CBLB: variants seen among roughly 807,000 people sequenced by gnomAD.
CBLB encodes the protein E3 ubiquitin-protein ligase CBL-B.
Under a neutral mutation model 104.9 loss-of-function variants are expected in CBLB, and 31 were observed. The observed-to-expected ratio is 0.30, with a 90% confidence interval of 0.22 to 0.40. The LOEUF is 0.40. Ranked by LOEUF, CBLB falls within the 10% of genes least tolerant of loss-of-function variation. The pLI is 1.00. For synonymous variants in CBLB, 440 were observed against 422.6 expected, an observed-to-expected ratio of 1.04 and a Z score of -0.51; for missense variants, 1,062 against 1,214.6, an observed-to-expected ratio of 0.87 and a Z score of 1.87.
At chr3:105,788,257 C>T (rs1475001654) in intron 3 of CBLB, among the ~76,000 whole-genome samples, 1 of 152,098 alleles carries the variant, frequency 6.6e-6, no homozygotes, top group Non-Finnish European at 1.5e-5. Context: ...ATAAATAAAA[C>T]TTCCTCAGAT....
chr3:105,678,859 A>G (rs1179590380), intron 16 of CBLB, among the ~76,000 whole-genome samples: 1 of 152,216 alleles, frequency 6.6e-6, no homozygotes, highest in Non-Finnish European at 1.5e-5. Context: ...AACTTATGAA[A>G]CAGCTCATAG....
intron 3 of CBLB, among the ~76,000 whole-genome samples, chr3:105,819,662 A>T (rs933894838): frequency 3.3e-5 from 5 of 152,192 alleles, no homozygotes; most frequent in Non-Finnish European, 7.3e-5. Flanking sequence ...GCAGGAATTG[A>T]TAAGAAGCAA....
intron 3 of CBLB, among the ~76,000 whole-genome samples, chr3:105,840,136 C>T (rs2089321236): frequency 6.6e-6 from 1 of 152,152 alleles, no homozygotes; most frequent in South Asian, 2.1e-4. Context: ...TTTTCAGCAT[C>T]TGTAAAATGA....
intron 3 of CBLB, among the ~76,000 whole-genome samples, chr3:105,777,859 T>C (rs2079663920): frequency 6.6e-6 from 1 of 152,324 alleles, no homozygotes; most frequent in African/African-American, 2.4e-5. Context: ...CAATCACCTA[T>C]AATCCTTGCT....
intron 11 of CBLB, among the ~76,000 whole-genome samples, chr3:105,703,126 A>G (rs1178673694): frequency 1.3e-5 from 2 of 152,202 alleles, no homozygotes; most frequent in Non-Finnish European, 2.9e-5. Flanking sequence ...GAATTGAATG[A>G]GTATGCTTTT....
Position 105,681,784 on chromosome 3 carries a change from T to C in CBLB, c.2236A>G (p.Thr746Ala). 6.2e-7 allele frequency: 1 copy of C among 1,610,444 alleles called. No homozygotes were observed. The highest frequency in any genetic ancestry group is 8.5e-7 in the Non-Finnish European group (1 of 1,176,936). Residue 746 changes from threonine (T) to alanine (A), a missense_variant, in exon 15 of 19, where the codon ACA (threonine) becomes GCA (alanine). Coordinates refer to ENST00000394030, the MANE Select transcript of CBLB (RefSeq NM_170662.5). ...CDNGHCMLNGTHGPSSEKKSN... is the reference protein window; with the variant it reads ...CDNGHCMLNGAHGPSSEKKSN... ...TTCTTCTCTGAAGATGGACCATGTG[T>C]TCCATTCAGCATACAGTGACCATTA...
Position 105,678,533 on chromosome 3 carries a change from G to T in CBLB, c.2467C>A (p.Pro823Thr), listed in dbSNP as rs746615675. The T allele has an allele frequency of 9.9e-6, 16 of 1,613,948 alleles. No homozygotes were observed. The highest frequency in any genetic ancestry group is 1.0e-5 in the Non-Finnish European group (12 of 1,179,874). The change falls in exon 17 of 19, where the codon CCT (proline) becomes ACT (threonine). Residue 823 changes from proline to threonine, a missense_variant. Pro to Thr is a conservative substitution (Grantham distance 38). Transcript: ENST00000394030. ...CTATGCCTTGCAGGAGGTGGGGGAGGTGGGAGAGATGGAGGGAGGGCATCA... is the reference window on the plus strand; with the variant it reads ...CTATGCCTTGCAGGAGGTGGGGGAGTTGGGAGAGATGGAGGGAGGGCATCA... ...AFDALPPSLP[P>T]PPPPARHSLI...
Position 105,745,901 on chromosome 3 carries a change from T to C in CBLB, c.845+16A>G. 6.2e-7 allele frequency: 1 copy of C among 1,608,322 alleles called. No homozygotes were observed. The highest frequency in any genetic ancestry group is 8.5e-7 in the Non-Finnish European group (1 of 1,175,042). On this transcript the variant is annotated intron_variant, in intron 6 of 18. Coordinates refer to ENST00000394030, the MANE Select transcript of CBLB (RefSeq NM_170662.5). Reference sequence around the variant, plus strand: ...CTTTGGATATATCACATAATATTACTGCTAAAAAGTCTTACCTTCCGGGTT... The same window carrying C: ...CTTTGGATATATCACATAATATTACCGCTAAAAAGTCTTACCTTCCGGGTT...
rs77552172 is a variant in CBLB at position 105,825,247 on chromosome 3, T to A, written c.419+28167A>T. Among the ~76,000 whole-genome samples the A allele has an allele frequency of 5.1e-3, 779 of 152,236 alleles. 5 individuals are homozygous for A. The highest frequency in any genetic ancestry group is 0.018 in the African/African-American group (762 of 41,536). ...TCATGGTTCTTCAGCTAATGCCATATCAGATATTGTGCAAGAATTTAGAAC... is the reference window on the plus strand; with the variant it reads ...TCATGGTTCTTCAGCTAATGCCATAACAGATATTGTGCAAGAATTTAGAAC... On this transcript the variant is annotated intron_variant, in intron 3 of 18. Coordinates refer to ENST00000394030, the MANE Select transcript of CBLB (RefSeq NM_170662.5).
intron 14 of CBLB, chr3:105,682,052 C>T: frequency 2.0e-6 from 1 of 492,702 alleles, no homozygotes; most frequent in South Asian, 2.4e-5. Context: ...CCAAGAATTA[C>T]AAGGGCCACA....
chr3:105,668,810 C>T (rs879302157), intron 18 of CBLB, among the ~76,000 whole-genome samples: 3 of 152,068 alleles, frequency 2.0e-5, no homozygotes, highest in Admixed American at 1.3e-4. Context: ...TAAGAACTAC[C>T]GTACTGACAA....
At chr3:105,705,753 T>C (rs2070014407) in intron 10 of CBLB, among the ~76,000 whole-genome samples, 1 of 152,200 alleles carries the variant, frequency 6.6e-6, no homozygotes, top group African/African-American at 2.4e-5. Flanking sequence ...TTCTCCTCCT[T>C]CCCATAGTAT....
At chr3:105,699,261 T>G (rs1296967024) in intron 12 of CBLB, among the ~76,000 whole-genome samples, 3 of 152,150 alleles carry the variant, frequency 2.0e-5, no homozygotes, top group Non-Finnish European at 4.4e-5. Context: ...AACAGACAAC[T>G]ATTTTGAATA....
At chr3:105,821,778 A>G (rs1258096942) in intron 3 of CBLB, among the ~76,000 whole-genome samples, 1 of 152,188 alleles carries the variant, frequency 6.6e-6, no homozygotes. Context: ...TCACCATTTC[A>G]TATCTTTACC....
At chr3:105,828,262 G>C (rs1161394089) in intron 3 of CBLB, among the ~76,000 whole-genome samples, 1 of 152,062 alleles carries the variant, frequency 6.6e-6, no homozygotes, top group Non-Finnish European at 1.5e-5. Context: ...TTGCTCACAG[G>C]GCCACATCAG....
intron 3 of CBLB, among the ~76,000 whole-genome samples, chr3:105,811,915 G>C (rs936112771): frequency 2.6e-5 from 4 of 152,214 alleles, no homozygotes; most frequent in East Asian, 1.9e-4. Context: ...TGTTGACCAG[G>C]CTGGTCTTGA....
chr3:105,832,017 C>G (rs999211592), intron 3 of CBLB, among the ~76,000 whole-genome samples: 1 of 151,804 alleles, frequency 6.6e-6, no homozygotes, highest in African/African-American at 2.4e-5. Context: ...GTTGATACAA[C>G]AGGAAATTTT....
intron 3 of CBLB, among the ~76,000 whole-genome samples, chr3:105,819,229 G>A (rs575642201): frequency 3.5e-4 from 54 of 152,350 alleles, no homozygotes; most frequent in Admixed American, 1.3e-3. Context: ...GCTCACGCCT[G>A]TAATCCCAGC....
chr3:105,786,470 G>A (rs950798830), intron 3 of CBLB, among the ~76,000 whole-genome samples: 30 of 152,232 alleles, frequency 2.0e-4, no homozygotes, highest in African/African-American at 7.2e-4. Flanking sequence ...AACGGAGAAG[G>A]CATCTCTGGG....
Sources: allele counts gnomAD v4.1 joint callset (sites outside exome capture counted in the v4.1 genomes callset), GRCh38; gene constraint gnomAD v4.1.1; transcripts MANE v1.5; gene names NCBI Gene and HGNC (gene_info 2026-07-23, HGNC 2026-07-21).